Variants in COL5A1 observed in about 807,000 individuals in gnomAD.
COL5A1 encodes the protein collagen alpha-1(V) chain.
COL5A1 carries 16 observed loss-of-function variants against 263.7 expected under a neutral mutation model. The ratio of observed to expected loss-of-function variants is 0.06; its 90% CI spans 0.04 to 0.09. COL5A1 has a LOEUF of 0.09. Ranked by LOEUF, COL5A1 falls within the 10% of genes least tolerant of loss-of-function variation. The probability of loss-of-function intolerance (pLI) is 1.00; values close to 1 mark genes in which losing one functional copy is unlikely to be tolerated. For missense variants in COL5A1, 2,036 were observed against 2,540.5 expected, an observed-to-expected ratio of 0.80 and a Z score of 4.27; for synonymous variants, 1,012 against 1,004.5, an observed-to-expected ratio of 1.01 and a Z score of -0.14.
intron 11 of COL5A1, 57 bp downstream of exon 11, chr9:134,738,865 C>G: frequency 7.2e-7 from 1 of 1,382,358 alleles, no homozygotes; most frequent in Non-Finnish European, 1.0e-6. Context: ...GCCCACGCCT[C>G]CTCTCCACAC....
chr9:134,800,749 CAAAAAAAAAAAA>C (rs397951217), intron 37 of COL5A1, among the ~76,000 whole-genome samples: 1 of 81,618 alleles, frequency 1.2e-5, no homozygotes, highest in South Asian at 6.1e-4. Flanking sequence ...CTGTCTCAAA[CAAAAAAAAAAAA>C]AAAAAAAAAA....
chr9:134,685,383 T>TC (rs1833009387), intron 1 of COL5A1, among the ~76,000 whole-genome samples: 1 of 20,028 alleles, frequency 5.0e-5, no homozygotes, highest in Non-Finnish European at 1.1e-4. Context: ...ACCCATCCAT[T>TC]CATCCATCCA....
In COL5A1 at chr9:134,798,090, A is replaced by G. The variant is rs10745385; in HGVS notation, c.2899-318A>G. Among the ~76,000 whole-genome samples, 78,514 of 152,022 alleles carry G rather than the reference A, an allele frequency of 0.52. 20,559 individuals carry two copies. Among genetic ancestry groups the G allele is most frequent in the East Asian group, 0.77 (3,983 of 5,152 alleles). ...CAACTGGACAGACTTGGGTCCTGGCACCGGCTGTGTCACCTGCTGGCTGGA... is the reference window on the plus strand; with the variant it reads ...CAACTGGACAGACTTGGGTCCTGGCGCCGGCTGTGTCACCTGCTGGCTGGA... On this transcript the variant is annotated intron_variant, in intron 36 of 65. Transcript: ENST00000371817.
intron 1 of COL5A1, among the ~76,000 whole-genome samples, chr9:134,659,767 C>G (rs1009923078): frequency 1.3e-5 from 2 of 152,202 alleles, no homozygotes; most frequent in South Asian, 4.1e-4. Context: ...ACAGGCGCCC[C>G]GAGTACCGTC....
At position 134,750,880 on chromosome 9, in the gene COL5A1, A is replaced by G; in HGVS notation, c.1660A>G (p.Arg554Gly). The change falls in exon 13 of 66, where the codon AGG becomes GGG. Residue 554 changes from arginine to glycine, a missense_variant and splice_region_variant. Around this residue, in one of 3 missense-constraint regions of COL5A1, gnomAD observed 1,078 missense variants for 1,521.4 expected, o/e 0.71. Coordinates refer to ENST00000371817, the MANE Select transcript of COL5A1 (RefSeq NM_000093.5). ...GGCGCAAGCCATTCTCCAGCAGGCCAGGGTGAGTACTGCTGGGTCCCAAGA... is the reference window on the plus strand; with the variant it reads ...GGCGCAAGCCATTCTCCAGCAGGCCGGGGTGAGTACTGCTGGGTCCCAAGA... The part of the protein sequence containing the change: ...SQAQAILQQA[R>G]LALRGPAGPM... 6.2e-7 allele frequency: 1 copy of G among 1,612,604 alleles called. No individual in the cohort carries two copies. The highest frequency in any genetic ancestry group is 8.5e-7 in the Non-Finnish European group (1 of 1,179,572).
chr9:134,721,228 C>G (rs1834440879), intron 4 of COL5A1, among the ~76,000 whole-genome samples: 1 of 148,542 alleles, frequency 6.7e-6, no homozygotes, highest in African/African-American at 2.5e-5. Flanking sequence ...CTAGAGCCCC[C>G]TCAACTGTCC....
rs868630145 is a variant in COL5A1 at position 134,775,415 on chromosome 9, C to T, written c.2385+503C>T. On this transcript the variant is annotated intron_variant, in intron 27 of 65. Coordinates refer to ENST00000371817, the MANE Select transcript of COL5A1 (RefSeq NM_000093.5). Reference sequence around the variant, plus strand: ...TGGGTGGGCCAGCGCTGTCGCAAGGCGGAGTTCATGGGAGCTGTCCATTTA... The same window carrying T: ...TGGGTGGGCCAGCGCTGTCGCAAGGTGGAGTTCATGGGAGCTGTCCATTTA... Among the ~76,000 whole-genome samples the T allele has an allele frequency of 7.2e-5, 11 of 152,384 alleles. No homozygotes were observed. In the South Asian group the frequency reaches 1.0e-3, roughly 14 times the overall value.
chr9:134,676,736 T>C (rs1832698028), intron 1 of COL5A1, among the ~76,000 whole-genome samples: 1 of 152,280 alleles, frequency 6.6e-6, no homozygotes, highest in Non-Finnish European at 1.5e-5. Flanking sequence ...TGTTCACTTA[T>C]TGTCCCTTAG....
intron 11 of COL5A1, among the ~76,000 whole-genome samples, chr9:134,745,743 T>C (rs1446701527): frequency 1.3e-5 from 2 of 152,124 alleles, no homozygotes; most frequent in Non-Finnish European, 1.5e-5. Context: ...ACTTGGGGTT[T>C]AAAGCAACAG....
intron 11 of COL5A1, among the ~76,000 whole-genome samples, chr9:134,745,309 C>T (rs191152432): frequency 2.8e-3 from 421 of 152,346 alleles, no homozygotes; most frequent in African/African-American, 4.1e-3. Flanking sequence ...CGGGACATTT[C>T]TAGAGTGAAG....
intron 27 of COL5A1, among the ~76,000 whole-genome samples, chr9:134,778,249 G>C (rs1837121714): frequency 6.6e-6 from 1 of 152,216 alleles, no homozygotes; most frequent in African/African-American, 2.4e-5. Flanking sequence ...ACACCACCAA[G>C]TGCTTAGAAA....
intron 39 of COL5A1, among the ~76,000 whole-genome samples, chr9:134,803,256 G>T (rs755520702): frequency 3.3e-5 from 5 of 152,188 alleles, no homozygotes; most frequent in Non-Finnish European, 7.3e-5. Flanking sequence ...CTCCCCAGCT[G>T]CCAGCCCTGC....
At chr9:134,749,053 G>C (rs894965834) in intron 11 of COL5A1, among the ~76,000 whole-genome samples, 1 of 152,168 alleles carries the variant, frequency 6.6e-6, no homozygotes, top group East Asian at 1.9e-4. Flanking sequence ...CCTGGCCAAG[G>C]TGGTGAAACC....
At chr9:134,657,847 G>A (rs1832069316) in intron 1 of COL5A1, among the ~76,000 whole-genome samples, 1 of 151,904 alleles carries the variant, frequency 6.6e-6, no homozygotes, top group African/African-American at 2.4e-5. Context: ...CAGTGGCCTG[G>A]CTTATGGCCT....
intron 32 of COL5A1, among the ~76,000 whole-genome samples, chr9:134,790,592 A>G (rs1308948049): frequency 2.5e-5 from 2 of 78,852 alleles, no homozygotes; most frequent in South Asian, 5.7e-4. Context: ...CCATCCATCT[A>G]TCCATCCACC....
rs56125517 is a variant in COL5A1, at chr9:134,758,423, G to A, written c.1935+127G>A. On this transcript the variant is annotated intron_variant, in intron 18 of 65. Transcript: ENST00000371817. This position sits in a 1 kb window ranked among gnomAD's most constrained non-coding sequence, Gnocchi z 4.1. ...CAGGTCTCCGCCATTCCAACAGTCA[G>A]TATACAAACCTCACGGGAGTCAGCA... 4.3e-6 allele frequency: 4 copies of A among 932,718 alleles called. No homozygotes were observed. The East Asian group carries it at 7.7e-5, about 18-fold the overall frequency. The allele number at this position is 932,718 out of a possible 1,614,324, so 57.8% of individuals were successfully genotyped here. A position where few individuals can be genotyped will look rare whatever the true frequency, so the allele number is the denominator to read the frequency against.
At chr9:134,780,348 G>A (rs1837206547) in intron 28 of COL5A1, among the ~76,000 whole-genome samples, 1 of 152,160 alleles carries the variant, frequency 6.6e-6, no homozygotes, top group Non-Finnish European at 1.5e-5. Context: ...AGGCCCTCGG[G>A]TCCCCAGGGG....
At chr9:134,720,352 C>T (rs62571352) in intron 4 of COL5A1, among the ~76,000 whole-genome samples, 3,827 of 152,312 alleles carry the variant, frequency 0.025, 84 homozygotes, top group Non-Finnish European at 0.04. Context: ...CCAGCACCTC[C>T]CGCCGGCCAG....
At chr9:134,731,437 G>A (rs1834875629) in intron 7 of COL5A1, 59 bp from the exon 8 acceptor site, 3 of 1,573,356 alleles carry the variant, frequency 1.9e-6, no homozygotes, top group Non-Finnish European at 2.6e-6. Context: ...AGGGCCTGAT[G>A]GAGAGGCAGT....
Sources: gnomAD v4.1 joint callset for allele counts (sites outside exome capture counted in the v4.1 genomes callset) on GRCh38, gnomAD v4.1.1 for gene constraint, gnomAD v4.1.1 regional missense constraint, Gnocchi (gnomAD v3.1) non-coding constraint, MANE v1.5 for transcripts, NCBI Gene and HGNC (gene_info 2026-07-23, HGNC 2026-07-21) for gene names.